GALNT9: variants seen among roughly 807,000 people sequenced by gnomAD.
The protein encoded by GALNT9 is GalNAc transferase 9.
In GALNT9, 47 loss-of-function variants were observed where a neutral mutation model predicts 63.1. The observed-to-expected ratio is 0.75, with a 90% CI of 0.59 to 0.95. The LOEUF is 0.95. Among genes scored for constraint, GALNT9 ranks in the 40% least tolerant of loss-of-function variants. The pLI, the probability that GALNT9 is intolerant of heterozygous loss-of-function variation, is 0.00. For synonymous variants in GALNT9, 396 were observed against 365.7 expected (o/e 1.08, Z -0.94); for missense variants, 829 against 874.8 (o/e 0.95, Z 0.66).
intron 1 of GALNT9, among the ~76,000 whole-genome samples, chr12:132,303,038 T>G (rs1038621490): frequency 2.6e-5 from 4 of 151,650 alleles, no homozygotes; most frequent in Non-Finnish European, 4.4e-5. Flanking sequence ...GGTGAGACGG[T>G]GTGTGGACAT....
chr12:132,196,648 T>G lies in GALNT9; in HGVS notation c.*459A>C. The stretch of plus-strand genomic sequence containing the variant: ...AAGGAGCTGCATTATGATGTGTGAC[T>G]TAGGTCTTGGTTGGAGGGCTGAGCG... On this transcript the variant is annotated 3_prime_UTR_variant, in exon 11 of 11. Coordinates refer to ENST00000328957, the MANE Select transcript of GALNT9 (RefSeq NM_001122636.2). The G allele has an allele frequency of 1.0e-6, 1 of 999,226 alleles. No homozygotes were observed. The highest frequency in any genetic ancestry group is 1.2e-6 in the Non-Finnish European group (1 of 838,690). The allele number at this position is 999,226 out of a possible 1,614,324, so 61.9% of individuals were successfully genotyped here. A position where few individuals can be genotyped will look rare whatever the true frequency, so the allele number is the denominator to read the frequency against.
At chr12:132,276,950 ACAC>A (rs1343198457) in intron 2 of GALNT9, among the ~76,000 whole-genome samples, 2 of 152,094 alleles carry the variant, frequency 1.3e-5, no homozygotes, top group Non-Finnish European at 2.9e-5. Context: ...GGACACACAC[ACAC>A]ATGTACATAC....
chr12:132,314,980 C>G (rs1318194566), intron 1 of GALNT9, among the ~76,000 whole-genome samples: 2 of 152,212 alleles, frequency 1.3e-5, no homozygotes, highest in African/African-American at 4.8e-5. Flanking sequence ...GCGCTGCTCC[C>G]AGAGCTTTGC....
At chr12:132,294,776 G>A (rs112726722) in intron 1 of GALNT9, among the ~76,000 whole-genome samples, 3,266 of 152,292 alleles carry the variant, frequency 0.021, 40 homozygotes, top group Middle Eastern at 0.092. Context: ...TCCCTGGAGC[G>A]GGAGGGATCT....
rs56394023 is a variant in GALNT9, at chr12:132,286,143, C to T, written c.419+107G>A. The T allele has an allele frequency of 1.9e-4, 246 of 1,299,238 alleles. No homozygotes were observed. Among genetic ancestry groups the T allele is most frequent in the Non-Finnish European group, 2.4e-4 (232 of 984,248 alleles). 80.5% of individuals were successfully genotyped at this position (1,299,238 alleles called of 1,614,324 possible). Reference sequence around the variant, plus strand: ...TCACTTCCCTGGCGGGCGTGGGGGCCGCTCACTTCCCCGGCCGGCGTGGGG... The same window carrying T: ...TCACTTCCCTGGCGGGCGTGGGGGCTGCTCACTTCCCCGGCCGGCGTGGGG... On this transcript the variant is annotated intron_variant, in intron 2 of 10. Coordinates refer to ENST00000328957, the MANE Select transcript of GALNT9 (RefSeq NM_001122636.2). This position sits in a 1 kb window ranked among gnomAD's most constrained non-coding sequence, Gnocchi z 7.4.
chr12:132,211,432 C>T (rs745446766), intron 6 of GALNT9, among the ~76,000 whole-genome samples: 3 of 152,064 alleles, frequency 2.0e-5, no homozygotes, highest in Non-Finnish European at 4.4e-5. Flanking sequence ...ACTTTTGCAC[C>T]GACCTAGTAC....
intron 2 of GALNT9, among the ~76,000 whole-genome samples, chr12:132,277,034 T>TACAC (rs145065264): frequency 1.2e-3 from 177 of 151,262 alleles, no homozygotes; most frequent in African/African-American, 4.1e-3. Context: ...CATGCACACA[T>TACAC]ACACACACAC....
rs914687019 is a variant in GALNT9, at chr12:132,201,007, A to G, written c.1401+117T>C. On this transcript the variant is annotated intron_variant, in intron 8 of 10. Coordinates refer to ENST00000328957, the MANE Select transcript of GALNT9 (RefSeq NM_001122636.2). ...CGGGCCGAGTGGGACCCTCTGGGGG[A>G]GGCGCTACCTCTCCGTGTGCATGTG... The G allele has an allele frequency of 3.0e-6, 3 of 996,382 alleles. No individual in the cohort carries two copies. The African/African-American group carries it at 4.8e-5, about 16-fold the overall frequency. 61.7% of individuals were successfully genotyped at this position (996,382 alleles called of 1,614,324 possible).
intron 6 of GALNT9, among the ~76,000 whole-genome samples, chr12:132,203,917 TTCTC>T (rs952281736): frequency 1.3e-5 from 2 of 151,980 alleles, no homozygotes; most frequent in African/African-American, 4.8e-5. Context: ...TGGGACTTCT[TTCTC>T]TTGTGCGTTA....
chr12:132,314,668 C>G (rs549028867), intron 1 of GALNT9, among the ~76,000 whole-genome samples: 218 of 152,354 alleles, frequency 1.4e-3, no homozygotes, highest in African/African-American at 5.1e-3. Context: ...TGCTGCCCCC[C>G]TGCCTGACTG....
intron 4 of GALNT9, among the ~76,000 whole-genome samples, chr12:132,259,371 G>A (rs151298790): frequency 5.6e-4 from 85 of 152,346 alleles, no homozygotes; most frequent in Middle Eastern, 6.8e-3. Context: ...AGTGCACAAC[G>A]TGTGCGACTG....
chr12:132,311,458 A>C (rs28374028), intron 1 of GALNT9, among the ~76,000 whole-genome samples: 7,915 of 152,242 alleles, frequency 0.052, 657 homozygotes, highest in African/African-American at 0.18. Flanking sequence ...TAGAGGAGCA[A>C]ACAACCCTCT....
At chr12:132,239,550 ACAGT>A (rs2136897133) in intron 6 of GALNT9, among the ~76,000 whole-genome samples, 150 of 151,400 alleles carry the variant, frequency 9.9e-4, no homozygotes, top group Middle Eastern at 3.4e-3. Flanking sequence ...AGAGTCAGAG[ACAGT>A]CAGAGACAGA....
At chr12:132,243,793 G>C (rs1370557036) in intron 6 of GALNT9, among the ~76,000 whole-genome samples, 2 of 152,154 alleles carry the variant, frequency 1.3e-5, no homozygotes, top group Non-Finnish European at 2.9e-5. Context: ...CTGCCTGCCT[G>C]GGGACTGGGA....
Position 132,329,281 on chromosome 12 carries a change from TC to T in GALNT9, c.-79del. 1 of 1,483,620 alleles carries T rather than the reference TC, an allele frequency of 6.7e-7. No individual in the cohort carries two copies. The highest frequency in any genetic ancestry group is 9.0e-7 in the Non-Finnish European group (1 of 1,112,600). 91.9% of individuals were successfully genotyped at this position (1,483,620 alleles called of 1,614,324 possible). ...CCGGGCCTGGGCTTCAGCTTCGGCTTCGGGGACCATGAGCCGCCCGGGGCTG... is the reference window on the plus strand; with the variant it reads ...CCGGGCCTGGGCTTCAGCTTCGGCTTGGGGACCATGAGCCGCCCGGGGCTG... On this transcript the variant is annotated 5_prime_UTR_variant, in exon 1 of 11. An upstream open reading frame in the 5' UTR loses its in-frame stop. Transcript: ENST00000328957.
intron 6 of GALNT9, among the ~76,000 whole-genome samples, chr12:132,209,455 CAGG>C (rs1270998377): frequency 1.3e-5 from 2 of 152,090 alleles, no homozygotes; most frequent in African/African-American, 4.8e-5. Context: ...GAGGCTGAGG[CAGG>C]AGAATTGCTT....
At chr12:132,288,077 C>T (rs28551078) in intron 1 of GALNT9, among the ~76,000 whole-genome samples, 26 of 152,316 alleles carry the variant, frequency 1.7e-4, no homozygotes, top group African/African-American at 5.8e-4. Context: ...TATCCCACAA[C>T]TGCCCGCCTG....
At chr12:132,306,129 G>A (rs1881603573) in intron 1 of GALNT9, among the ~76,000 whole-genome samples, 1 of 152,234 alleles carries the variant, frequency 6.6e-6, no homozygotes, top group South Asian at 2.1e-4. Context: ...AAACCTGCCG[G>A]GTCAGAGCCC....
intron 1 of GALNT9, among the ~76,000 whole-genome samples, chr12:132,305,198 C>G (rs1289985184): frequency 2.1e-5 from 1 of 48,316 alleles, no homozygotes; most frequent in African/African-American, 1.0e-4. Flanking sequence ...CCCAGACACA[C>G]CCTTGCCCGG....
Sources: allele counts gnomAD v4.1 joint callset (sites outside exome capture counted in the v4.1 genomes callset), GRCh38; gene constraint gnomAD v4.1.1; non-coding constraint Gnocchi (gnomAD v3.1); transcripts MANE v1.5; gene names NCBI Gene and HGNC (gene_info 2026-07-23, HGNC 2026-07-21).